The following MGLL variants were observed in gnomAD, a reference collection of about 807,000 sequenced individuals.
MGLL encodes monoglyceride lipase.
MGLL carries 7 observed loss-of-function variants against 29.1 expected under a neutral mutation model. The observed-to-expected ratio is 0.24, with a 90% CI of 0.14 to 0.45. MGLL has a LOEUF of 0.45. Among genes scored for constraint, MGLL ranks in the 20% least tolerant of loss-of-function variants. The probability of loss-of-function intolerance (pLI) is 0.99; values close to 1 mark genes in which losing one functional copy is unlikely to be tolerated. For synonymous variants in MGLL, 148 were observed against 168.3 expected (o/e 0.88, Z 0.93); for missense variants, 356 against 413.6 (o/e 0.86, Z 1.21).
intron 2 of MGLL, among the ~76,000 whole-genome samples, chr3:127,789,395 A>G (rs2107720036): frequency 6.6e-6 from 1 of 152,330 alleles, no homozygotes; most frequent in Middle Eastern, 3.4e-3. Flanking sequence ...ACCCAACCCA[A>G]TCTTAGCTTA....
At chr3:127,722,592 G>A in intron 3 of MGLL, 26 bp from the exon 4 acceptor site, 1 of 1,614,232 alleles carries the variant, frequency 6.2e-7, no homozygotes, top group Non-Finnish European at 8.5e-7. Context: ...AGATGAGAGA[G>A]AGCTGCAGTT....
intron 3 of MGLL, among the ~76,000 whole-genome samples, chr3:127,763,494 A>G (rs972782551): frequency 1.6e-4 from 25 of 152,230 alleles, no homozygotes; most frequent in African/African-American, 5.8e-4. Context: ...CCTCACAAGC[A>G]TGCCACAGTG....
chr3:127,757,206 T>G (rs1174794733), intron 3 of MGLL, among the ~76,000 whole-genome samples: 2 of 152,126 alleles, frequency 1.3e-5, no homozygotes, highest in Non-Finnish European at 2.9e-5. Flanking sequence ...GAACCCAACT[T>G]GAGGCCTGGA....
intron 2 of MGLL, among the ~76,000 whole-genome samples, chr3:127,817,963 C>CA (rs1290470983): frequency 1.1e-3 from 169 of 152,284 alleles, no homozygotes; most frequent in African/African-American, 3.5e-3. Context: ...CAGTATCCCC[C>CA]CCTTTTTCTT....
intron 3 of MGLL, among the ~76,000 whole-genome samples, chr3:127,731,978 T>C (rs1308247528): frequency 6.6e-6 from 1 of 152,206 alleles, no homozygotes; most frequent in Admixed American, 6.5e-5. Flanking sequence ...TTAAATAGTC[T>C]CCTACAAAAT....
At chr3:127,714,386 C>T (rs932099670) in intron 5 of MGLL, among the ~76,000 whole-genome samples, 2 of 152,186 alleles carry the variant, frequency 1.3e-5, no homozygotes, top group African/African-American at 4.8e-5. Flanking sequence ...TGCCCAAGGA[C>T]GGAAGGGACA....
At chr3:127,742,456 G>C (rs888686121) in intron 3 of MGLL, among the ~76,000 whole-genome samples, 21 of 152,066 alleles carry the variant, frequency 1.4e-4, no homozygotes, top group African/African-American at 4.6e-4. Flanking sequence ...CAGGCTTGGT[G>C]GTGGGCACCT....
At chr3:127,736,057 T>G (rs1267087121) in intron 3 of MGLL, 1 of 1,326,550 alleles carries the variant, frequency 7.5e-7, no homozygotes, top group African/African-American at 1.5e-5. Context: ...TTCAGTTAGA[T>G]CTGTTGTCCT....
At position 127,692,123 on chromosome 3, in the gene MGLL, C is replaced by A; in HGVS notation, c.*75G>T. 2 of 954,098 alleles carry A rather than the reference C, an allele frequency of 2.1e-6. No individual in the cohort carries two copies. The highest frequency in any genetic ancestry group is 3.1e-6 in the Non-Finnish European group (2 of 643,252). The allele number at this position is 954,098 out of a possible 1,614,324, so 59.1% of individuals were successfully genotyped here. A position where few individuals can be genotyped will look rare whatever the true frequency, so the allele number is the denominator to read the frequency against. On this transcript the variant is annotated 3_prime_UTR_variant, in exon 8 of 8. Coordinates refer to ENST00000265052, the MANE Select transcript of MGLL (RefSeq NM_007283.7). ...TTTTTTTTTTTTTTTTTTGGCAAGCCATATCTGAGAAGCCATCTCTGCCCT... is the reference window on the plus strand; with the variant it reads ...TTTTTTTTTTTTTTTTTTGGCAAGCAATATCTGAGAAGCCATCTCTGCCCT...
intron 5 of MGLL, among the ~76,000 whole-genome samples, chr3:127,717,166 G>T (rs533942532): frequency 6.6e-6 from 1 of 152,316 alleles, no homozygotes; most frequent in East Asian, 1.9e-4. Flanking sequence ...TAAGTTCCGG[G>T]ATCCTGGGTC....
chr3:127,703,778 G>C (rs147869376), intron 6 of MGLL, among the ~76,000 whole-genome samples: 1 of 152,316 alleles, frequency 6.6e-6, no homozygotes, highest in African/African-American at 2.4e-5. Flanking sequence ...CAGAATAGGA[G>C]AAAATACTTG....
chr3:127,695,953 C>G (rs1192666532), intron 6 of MGLL, among the ~76,000 whole-genome samples: 1 of 152,192 alleles, frequency 6.6e-6, no homozygotes, highest in Non-Finnish European at 1.5e-5. Flanking sequence ...GAACAGTTTA[C>G]TGGGTTCTGT....
chr3:127,766,016 T>C lies in MGLL; in HGVS notation c.262+15773A>G, dbSNP rs115550999. On this transcript the variant is annotated intron_variant, in intron 3 of 7. Transcript: ENST00000265052. ...ATTCATTTAATCTTCGCCAGGTAGATACTATGACTTAGAGTTACAGGTGGG... is the reference window on the plus strand; with the variant it reads ...ATTCATTTAATCTTCGCCAGGTAGACACTATGACTTAGAGTTACAGGTGGG... 5.1e-3 allele frequency among the ~76,000 whole-genome samples: 777 copies of C among 152,290 alleles called. 12 individuals carry two copies. Among genetic ancestry groups the C allele is most frequent in the African/African-American group, 0.018 (730 of 41,554 alleles).
intron 2 of MGLL, among the ~76,000 whole-genome samples, chr3:127,808,500 A>G (rs1281324646): frequency 3.9e-5 from 6 of 152,206 alleles, no homozygotes; most frequent in African/African-American, 1.4e-4. Flanking sequence ...CCCTGAACCA[A>G]TCACTGTAGC....
At chr3:127,719,369 G>A (rs2075876625) in intron 5 of MGLL, among the ~76,000 whole-genome samples, 1 of 152,236 alleles carries the variant, frequency 6.6e-6, no homozygotes, top group Non-Finnish European at 1.5e-5. Context: ...TAGATGGGGA[G>A]TGGGCAGCCC....
chr3:127,712,558 C>T (rs3773135), intron 5 of MGLL: 61,438 of 152,120 alleles, frequency 0.4, 12,589 homozygotes, highest in Middle Eastern at 0.58. Flanking sequence ...CTGAGGATAC[C>T]GAAGCTTACT....
chr3:127,764,942 A>G (rs1426916112), intron 3 of MGLL, among the ~76,000 whole-genome samples: 1 of 152,212 alleles, frequency 6.6e-6, no homozygotes, highest in Non-Finnish European at 1.5e-5. Context: ...TGTAGATGAG[A>G]AAACTGAGAT....
chr3:127,775,168 A>G (rs781075607), intron 3 of MGLL, among the ~76,000 whole-genome samples: 1 of 152,124 alleles, frequency 6.6e-6, no homozygotes, highest in Non-Finnish European at 1.5e-5. Flanking sequence ...AGGGTGGCAC[A>G]GTCCACTCTC....
At chr3:127,731,472 A>T (rs1398353204) in intron 3 of MGLL, among the ~76,000 whole-genome samples, 1 of 152,054 alleles carries the variant, frequency 6.6e-6, no homozygotes, top group Non-Finnish European at 1.5e-5. Context: ...ATGCTTTAAC[A>T]TCTCAGGCCT....
Sources: gnomAD v4.1 joint callset for allele counts (sites outside exome capture counted in the v4.1 genomes callset) on GRCh38, gnomAD v4.1.1 for gene constraint, MANE v1.5 for transcripts, NCBI Gene and HGNC (gene_info 2026-07-23, HGNC 2026-07-21) for gene names.